Variants in TMEM131 observed in about 807,000 individuals in gnomAD.
The protein encoded by TMEM131 is transmembrane protein 131.
Under a neutral mutation model 211.6 loss-of-function variants are expected in TMEM131, and 66 were observed. That is an observed-to-expected ratio of 0.31 (90% CI 0.26 to 0.38). The LOEUF (loss-of-function observed/expected upper bound fraction) is 0.38. Among genes scored for constraint, TMEM131 ranks in the 10% least tolerant of loss-of-function variants. The pLI is 1.00. For missense variants in TMEM131, 2,036 were observed against 2,299.3 expected, an observed-to-expected ratio of 0.89 and a Z score of 2.34; for synonymous variants, 844 against 841.3, an observed-to-expected ratio of 1.00 and a Z score of -0.06.
At chr2:97,957,429 A>G (rs1285685657) in intron 1 of TMEM131, among the ~76,000 whole-genome samples, 1 of 152,156 alleles carries the variant, frequency 6.6e-6, no homozygotes, top group Non-Finnish European at 1.5e-5. Flanking sequence ...TTCCCCCTCT[A>G]GTAACCAGGC....
At chr2:97,904,410 G>T (rs955880762) in intron 3 of TMEM131, among the ~76,000 whole-genome samples, 1 of 152,112 alleles carries the variant, frequency 6.6e-6, no homozygotes, top group Non-Finnish European at 1.5e-5. Flanking sequence ...GAGATTAGGA[G>T]TGATAAAGCA....
At chr2:97,845,082 G>T (rs536629032) in intron 5 of TMEM131, among the ~76,000 whole-genome samples, 83 of 148,688 alleles carry the variant, frequency 5.6e-4, no homozygotes, top group African/African-American at 1.9e-3. Context: ...GTGAATTATT[G>T]TAATTATTCT....
At chr2:97,880,201 A>C (rs1674867105) in intron 4 of TMEM131, among the ~76,000 whole-genome samples, 1 of 152,028 alleles carries the variant, frequency 6.6e-6, no homozygotes, top group African/African-American at 2.4e-5. Flanking sequence ...TATGAAGATC[A>C]GTGCTTTCAG....
chr2:97,861,650 G>A (rs1674073311), intron 4 of TMEM131, among the ~76,000 whole-genome samples: 1 of 151,816 alleles, frequency 6.6e-6, no homozygotes, highest in Non-Finnish European at 1.5e-5. Flanking sequence ...AAAGGGGAGG[G>A]AAGAGTGGGT....
At chr2:97,891,842 T>C (rs1300306307) in intron 3 of TMEM131, among the ~76,000 whole-genome samples, 2 of 152,136 alleles carry the variant, frequency 1.3e-5, no homozygotes, top group Admixed American at 6.5e-5. Flanking sequence ...CAGAATCTAA[T>C]TCCTTGTAAG....
intron 22 of TMEM131, among the ~76,000 whole-genome samples, chr2:97,803,484 C>T (rs541747783): frequency 4.2e-4 from 64 of 152,322 alleles, no homozygotes; most frequent in Non-Finnish European, 8.2e-4. Flanking sequence ...GAACTCAGAA[C>T]ACATTCCCAA....
At chr2:97,880,504 C>G (rs939829320) in intron 4 of TMEM131, among the ~76,000 whole-genome samples, 3 of 152,048 alleles carry the variant, frequency 2.0e-5, no homozygotes, top group Non-Finnish European at 4.4e-5. Context: ...TAGAGCAGAA[C>G]AGACATGAAA....
chr2:97,842,258 T>A (rs1490059482), intron 6 of TMEM131, among the ~76,000 whole-genome samples: 1 of 152,198 alleles, frequency 6.6e-6, no homozygotes, highest in East Asian at 1.9e-4. Flanking sequence ...AGAAGATGGA[T>A]CTACGGCCCA....
intron 38 of TMEM131, 149 bp from the exon 39 acceptor site, chr2:97,759,898 A>T: frequency 3.1e-6 from 2 of 636,238 alleles, no homozygotes; most frequent in Non-Finnish European, 2.8e-6. Flanking sequence ...GAGCTGAACA[A>T]TGGCTGCTTA....
intron 1 of TMEM131, among the ~76,000 whole-genome samples, chr2:97,933,589 T>C (rs558691358): frequency 1.3e-5 from 2 of 152,114 alleles, no homozygotes; most frequent in Non-Finnish European, 2.9e-5. Context: ...AAAATAGTTA[T>C]AAATGCTGAA....
At chr2:97,865,592 G>C (rs1674238890) in intron 4 of TMEM131, among the ~76,000 whole-genome samples, 1 of 152,114 alleles carries the variant, frequency 6.6e-6, no homozygotes, top group Non-Finnish European at 1.5e-5. Context: ...GCATTCTTGA[G>C]ATAAATGTCA....
In TMEM131 at chr2:97,792,540, G is replaced by C. The variant is rs371973668; in HGVS notation, c.3990C>G (p.Ser1330=). ...TCGCGCTGCTGGCACGTTCTGGGTG[G>C]GAAGGGTGTGCGAGGGGGGCGGGAG... The part of the protein sequence containing the change: ...RLSPAPLAHP[S]HPERASSARH... The change falls in exon 31 of 41, where the codon TCC becomes TCG. Residue 1330 remains serine (S), a synonymous_variant. Transcript: ENST00000186436. 2 of 1,613,560 alleles carry C rather than the reference G, an allele frequency of 1.2e-6. No individual in the cohort carries two copies. The highest frequency in any genetic ancestry group is 1.7e-6 in the Non-Finnish European group (2 of 1,179,700).
chr2:97,825,648 C>T (rs184938033), intron 11 of TMEM131, among the ~76,000 whole-genome samples: 24 of 152,298 alleles, frequency 1.6e-4, no homozygotes, highest in African/African-American at 5.5e-4. Flanking sequence ...AGCCTTCTCA[C>T]AGGACAACAC....
At chr2:97,946,039 C>T (rs889535361) in intron 1 of TMEM131, among the ~76,000 whole-genome samples, 1 of 152,018 alleles carries the variant, frequency 6.6e-6, no homozygotes, top group Non-Finnish European at 1.5e-5. Flanking sequence ...GGTATTACAA[C>T]CATCTTAAAA....
chr2:97,796,345 C>T lies in TMEM131; in HGVS notation c.3073G>A (p.Gly1025Arg). 6.5e-7 allele frequency: 1 copy of T among 1,549,616 alleles called. No individual in the cohort carries two copies. Among genetic ancestry groups the T allele is most frequent in the Non-Finnish European group, 8.7e-7 (1 of 1,148,144 alleles). Residue 1025 changes from glycine (G) to arginine (R), a missense_variant, in exon 28 of 41, where the codon GGA becomes AGA. Transcript: ENST00000186436. Reference protein sequence around the residue: ...LKRTFKVENTGQLQIHIETIE... With the variant: ...LKRTFKVENTRQLQIHIETIE... ...GTTTCTATGTGAATTTGAAGTTGTC[C>T]TGTATTCTCTACCTTAAATGTTCTT... is the stretch of plus-strand genomic sequence containing the variant.
rs1467345338 is a variant in TMEM131, at chr2:97,792,532, T to C, written c.3998A>G (p.Glu1333Gly). 2.5e-6 allele frequency: 4 copies of C among 1,613,430 alleles called. No homozygotes were observed. The African/African-American group carries it at 5.3e-5, about 22-fold the overall frequency. ...ACTGTGCCTCGCGCTGCTGGCACGTTCTGGGTGGGAAGGGTGTGCGAGGGG... is the reference window on the plus strand; with the variant it reads ...ACTGTGCCTCGCGCTGCTGGCACGTCCTGGGTGGGAAGGGTGTGCGAGGGG... Reference protein sequence around the residue: ...PAPLAHPSHPERASSARHSSE... With the variant: ...PAPLAHPSHPGRASSARHSSE... Residue 1333 changes from glutamate to glycine, a missense_variant, in exon 31 of 41, where the codon GAA becomes GGA. By Grantham distance (98) the Glu-to-Gly change is moderately conservative. Transcript: ENST00000186436.
chr2:97,918,786 G>A (rs1418443126), intron 2 of TMEM131, among the ~76,000 whole-genome samples: 1 of 152,180 alleles, frequency 6.6e-6, no homozygotes, highest in Non-Finnish European at 1.5e-5. Flanking sequence ...AGTCTGATAT[G>A]ATATATCAAG....
intron 4 of TMEM131, 52 bp from the exon 5 acceptor site, chr2:97,859,479 A>C: frequency 7.0e-7 from 1 of 1,432,996 alleles, no homozygotes; most frequent in South Asian, 1.5e-5. Flanking sequence ...AATTCTGATT[A>C]TTTCTAGTTG....
rs1156579108 is a variant in TMEM131 at position 97,911,065 on chromosome 2, GACACAT to G, written c.250-2373_250-2368del. ...AAACTTCCACGTATCCAGGTGAACA[GACACAT>G]GAGTTGTGTTATATCCGTACAATGG... On this transcript the variant is annotated intron_variant, in intron 2 of 40. Transcript: ENST00000186436. Among the ~76,000 whole-genome samples the G allele has an allele frequency of 4.6e-5, 7 of 152,300 alleles. No homozygotes were observed. In the East Asian group the frequency reaches 1.4e-3, roughly 29 times the overall value.
Sources: allele counts gnomAD v4.1 joint callset (sites outside exome capture counted in the v4.1 genomes callset), GRCh38; gene constraint gnomAD v4.1.1; transcripts MANE v1.5; gene names NCBI Gene and HGNC (gene_info 2026-07-23, HGNC 2026-07-21).